UBN2: variants seen among roughly 807,000 people sequenced by gnomAD.
UBN2 encodes ubinuclein 2.
UBN2 carries 35 observed loss-of-function variants against 120.2 expected under a neutral mutation model. The ratio of observed to expected loss-of-function variants is 0.29; its 90% CI spans 0.22 to 0.39. The LOEUF (loss-of-function observed/expected upper bound fraction) is 0.39. Ranked by LOEUF, UBN2 falls within the 10% of genes least tolerant of loss-of-function variation. The pLI, the probability that UBN2 is intolerant of heterozygous loss-of-function variation, is 1.00. For missense variants in UBN2, 1,693 were observed against 1,663.2 expected (o/e 1.02, Z -0.31); for synonymous variants, 661 against 648.7 (o/e 1.02, Z -0.29).
rs1444003339 is a variant in UBN2 at position 139,299,997 on chromosome 7, T to A, written c.*2161T>A. ...CTGTATGTATATATACATACACACA[T>A]ACATTCATATAAATGACTAGTTTGA... On this transcript the variant is annotated 3_prime_UTR_variant, in exon 18 of 18. Transcript: ENST00000473989. 2 of 152,170 alleles carry A rather than the reference T, an allele frequency of 1.3e-5. No homozygotes were observed. The highest frequency in any genetic ancestry group is 4.8e-5 in the African/African-American group (2 of 41,444). 9.4% of individuals were successfully genotyped at this position (152,170 alleles called of 1,614,324 possible). A position where few individuals can be genotyped will look rare whatever the true frequency, so the allele number is the denominator to read the frequency against.
chr7:139,259,594 T>C (rs1381891181), intron 5 of UBN2, among the ~76,000 whole-genome samples: 1 of 152,250 alleles, frequency 6.6e-6, no homozygotes, highest in Non-Finnish European at 1.5e-5. Flanking sequence ...TGCTCATTAC[T>C]ACTTTTACCA....
At chr7:139,239,433 A>G (rs555063565) in intron 2 of UBN2, among the ~76,000 whole-genome samples, 36 of 151,970 alleles carry the variant, frequency 2.4e-4, no homozygotes, top group African/African-American at 8.4e-4. Flanking sequence ...TTTCAAGTTT[A>G]TCTCTAGGAG....
chr7:139,275,582 C>CAA (rs889179822), intron 11 of UBN2, among the ~76,000 whole-genome samples: 1 of 116,278 alleles, frequency 8.6e-6, no homozygotes, highest in African/African-American at 3.2e-5. Context: ...GACTCTGTCT[C>CAA]AAAAAAAAAA....
chr7:139,309,851 A>G (rs1798425697), downstream of UBN2, among the ~76,000 whole-genome samples: 1 of 152,024 alleles, frequency 6.6e-6, no homozygotes, highest in East Asian at 1.9e-4. Flanking sequence ...ATCCTGGGTG[A>G]TTGTAAGTGT....
At chr7:139,292,834 A>G (rs1749937068) in intron 15 of UBN2, among the ~76,000 whole-genome samples, 7 of 152,156 alleles carry the variant, frequency 4.6e-5, no homozygotes, top group Admixed American at 3.9e-4. Flanking sequence ...TGATGACAGT[A>G]AAGGATACCA....
At chr7:139,259,149 C>A (rs1796853314) in intron 4 of UBN2, 118 bp from the exon 5 acceptor site, 2 of 1,437,212 alleles carry the variant, frequency 1.4e-6, no homozygotes, top group Non-Finnish European at 1.8e-6. Context: ...GCAGTTATAA[C>A]AAACGATTGT....
At chr7:139,321,257 G>T in the UBN2 span, among the ~76,000 whole-genome samples, 57 of 152,340 alleles carry the variant, frequency 3.7e-4, no homozygotes, top group Middle Eastern at 3.4e-3. Flanking sequence ...TGGCCGTGGC[G>T]GAATGTGAGA....
chr7:139,296,971 G>A (rs1056561328), intron 17 of UBN2, among the ~76,000 whole-genome samples: 3 of 152,072 alleles, frequency 2.0e-5, no homozygotes, highest in African/African-American at 7.2e-5. Context: ...GAGGCAGGGT[G>A]GATCATGAGG....
chr7:139,282,770 C>G (rs983726875), intron 14 of UBN2, among the ~76,000 whole-genome samples: 1 of 152,086 alleles, frequency 6.6e-6, no homozygotes, highest in African/African-American at 2.4e-5. Flanking sequence ...AGTAATGTAA[C>G]TAGTATATGA....
intron 4 of UBN2, 141 bp downstream of exon 4, chr7:139,258,766 A>G (rs1796841498): frequency 1.4e-6 from 1 of 696,476 alleles, no homozygotes; most frequent in Non-Finnish European, 2.1e-6. Context: ...TACATGCTTT[A>G]AAATTAAATT....
rs1368925953 is a variant in UBN2, at chr7:139,283,599, CTCT to C, written c.2700_2702del (p.Ser901del). On this transcript the variant is annotated inframe_deletion, in exon 15 of 18. Coordinates refer to ENST00000473989, the MANE Select transcript of UBN2 (RefSeq NM_173569.4). ...CTTCCTCTTCACAGACCCATGTCTCCTCTTCTTCCCAAGCCCAAATTGCTGCCT... is the reference window on the plus strand; with the variant it reads ...CTTCCTCTTCACAGACCCATGTCTCCTCTTCCCAAGCCCAAATTGCTGCCT... The C allele has an allele frequency of 1.2e-6, 2 of 1,614,078 alleles. No individual in the cohort carries two copies. The highest frequency in any genetic ancestry group is 1.7e-6 in the Non-Finnish European group (2 of 1,180,044).
At chr7:139,318,381 A>G in the UBN2 span, among the ~76,000 whole-genome samples, 159 of 152,258 alleles carry the variant, frequency 1.0e-3, no homozygotes, top group African/African-American at 3.7e-3. Flanking sequence ...CTGATTCTGC[A>G]GTTTACGGTT....
In UBN2 at chr7:139,284,587, T is replaced by C. The variant is rs762238873; in HGVS notation, c.3669+13T>C. 2 of 1,581,686 alleles carry C rather than the reference T, an allele frequency of 1.3e-6. No individual in the cohort carries two copies. Among genetic ancestry groups the C allele is most frequent in the Non-Finnish European group, 1.7e-6 (2 of 1,163,160 alleles). On this transcript the variant is annotated intron_variant, in intron 15 of 17. Transcript: ENST00000473989. ...AGCCAGTGTGCAGGTATGTATGTTCTGTACGTCCATGTGATAAACTATAAG... is the reference window on the plus strand; with the variant it reads ...AGCCAGTGTGCAGGTATGTATGTTCCGTACGTCCATGTGATAAACTATAAG...
At chr7:139,278,626 A>G (rs899911630) in intron 12 of UBN2, among the ~76,000 whole-genome samples, 1 of 152,178 alleles carries the variant, frequency 6.6e-6, no homozygotes, top group African/African-American at 2.4e-5. Context: ...ATAAAAAAAA[A>G]AAACATAGAA....
intron 5 of UBN2, among the ~76,000 whole-genome samples, chr7:139,260,607 A>G (rs561216110): frequency 6.6e-6 from 1 of 152,176 alleles, no homozygotes; most frequent in Admixed American, 6.5e-5. Flanking sequence ...GTGCATCTGA[A>G]TTTTGGGTTA....
intron 2 of UBN2, among the ~76,000 whole-genome samples, chr7:139,242,688 A>G (rs1360886429): frequency 1.3e-5 from 2 of 152,216 alleles, no homozygotes; most frequent in Non-Finnish European, 2.9e-5. Context: ...TGAATTGAAT[A>G]AATTCTCTTC....
chr7:139,241,985 G>A lies in UBN2; in HGVS notation c.561+4888G>A, dbSNP rs79233856. 4.7e-3 allele frequency among the ~76,000 whole-genome samples: 712 copies of A among 152,086 alleles called. 27 individuals are homozygous for A. The East Asian group carries it at 0.12, about 25-fold the overall frequency. On this transcript the variant is annotated intron_variant, in intron 2 of 17. Coordinates refer to ENST00000473989, the MANE Select transcript of UBN2 (RefSeq NM_173569.4). ...TGTACTCCAGCCTGGCGACAAGAGC[G>A]AGAATCCAGCTCCCCCCCCCAAAAA... is the stretch of plus-strand genomic sequence containing the variant.
chr7:139,251,391 A>G (rs1796620844), intron 2 of UBN2, among the ~76,000 whole-genome samples: 1 of 152,176 alleles, frequency 6.6e-6, no homozygotes, highest in African/African-American at 2.4e-5. Flanking sequence ...TTTGGATTTT[A>G]CTAGTTTTCT....
the UBN2 span, among the ~76,000 whole-genome samples, chr7:139,327,359 T>G: frequency 6.6e-6 from 1 of 152,252 alleles, no homozygotes; most frequent in Non-Finnish European, 1.5e-5. Context: ...TTATTTACTC[T>G]GTGTATTAGT....
Sources: gnomAD v4.1 joint callset for allele counts (sites outside exome capture counted in the v4.1 genomes callset) on GRCh38, gnomAD v4.1.1 for gene constraint, MANE v1.5 for transcripts, NCBI Gene and HGNC (gene_info 2026-07-23, HGNC 2026-07-21) for gene names.